ASAP1: variants seen among roughly 807,000 people sequenced by gnomAD.
ASAP1 encodes the protein ArfGAP with SH3 domain, ankyrin repeat and PH domain 1.
A neutral mutation model predicts 145.2 loss-of-function variants in ASAP1; 43 were observed. The ratio of observed to expected loss-of-function variants is 0.30; its 90% CI spans 0.23 to 0.38. ASAP1 has a LOEUF of 0.38. Among genes scored for constraint, ASAP1 ranks in the 10% least tolerant of loss-of-function variants. The pLI is 1.00. For synonymous variants in ASAP1, 546 were observed against 515.5 expected (o/e 1.06, Z -0.80); for missense variants, 1,018 against 1,355.3 (o/e 0.75, Z 3.91).
intron 5 of ASAP1, among the ~76,000 whole-genome samples, chr8:130,190,397 ATTGAAGAGGATATTC>A (rs760980164): frequency 2.8e-4 from 42 of 152,308 alleles, no homozygotes; most frequent in Non-Finnish European, 5.4e-4. Context: ...AGCACCATTT[ATTGAAGAGGATATTC>A]TTTCCCCAAT....
chr8:130,315,587 T>C lies in ASAP1; in HGVS notation c.186+42430A>G, dbSNP rs571139556. On this transcript the variant is annotated intron_variant, in intron 3 of 29. Transcript: ENST00000518721. ...GTCTGAATTAGGCTGAGCCAAGAAA[T>C]AGACCACTTGTTGCTTCCCAGCTGT... Among the ~76,000 whole-genome samples, 26 of 152,264 alleles carry C rather than the reference T, an allele frequency of 1.7e-4. 1 individual carries two copies. The highest frequency in any genetic ancestry group is 5.5e-4 in the African/African-American group (23 of 41,552).
At chr8:130,061,655 CCT>C (rs1390156806) in intron 27 of ASAP1, among the ~76,000 whole-genome samples, 6 of 152,078 alleles carry the variant, frequency 3.9e-5, no homozygotes, top group South Asian at 2.1e-4. Flanking sequence ...ACTTTGTGCC[CCT>C]GTCTCGGGTT....
chr8:130,263,644 C>T (rs1247355583), intron 3 of ASAP1, among the ~76,000 whole-genome samples: 1 of 152,054 alleles, frequency 6.6e-6, no homozygotes, highest in Non-Finnish European at 1.5e-5. Context: ...GCCTAAAAAC[C>T]CTATGAAGTG....
chr8:130,157,346 T>C (rs2097660070), intron 12 of ASAP1, among the ~76,000 whole-genome samples: 1 of 152,222 alleles, frequency 6.6e-6, no homozygotes, highest in South Asian at 2.1e-4. Flanking sequence ...ATTTTCTTTC[T>C]CTACACCCCA....
At chr8:130,101,353 T>C (rs1283191871) in intron 24 of ASAP1, among the ~76,000 whole-genome samples, 1 of 152,214 alleles carries the variant, frequency 6.6e-6, no homozygotes, top group Non-Finnish European at 1.5e-5. Flanking sequence ...TTGCATCGAA[T>C]CTGTAGATTG....
At chr8:130,110,726 C>A (rs1453976951) in intron 24 of ASAP1, among the ~76,000 whole-genome samples, 1 of 152,138 alleles carries the variant, frequency 6.6e-6, no homozygotes, top group African/African-American at 2.4e-5. Context: ...ATCTATGAGG[C>A]CATTTGGGGT....
In ASAP1 at chr8:130,371,355, ACT is replaced by A. The variant is rs564941625; in HGVS notation, c.60-13214_60-13213del. Among the ~76,000 whole-genome samples, 22 of 152,216 alleles carry A rather than the reference ACT, an allele frequency of 1.4e-4. No homozygotes were observed. In the East Asian group the frequency reaches 2.9e-3, roughly 20 times the overall value. Reference sequence around the variant, plus strand: ...GTTCAAGCCCTTTGCACTAAACCGCACTCTCTGTACAAATGGTACTCTGCTGA... The same window carrying A: ...GTTCAAGCCCTTTGCACTAAACCGCACTCTGTACAAATGGTACTCTGCTGA... On this transcript the variant is annotated intron_variant, in intron 2 of 29. Coordinates refer to ENST00000518721, the MANE Select transcript of ASAP1 (RefSeq NM_018482.4).
chr8:130,135,912 C>T (rs944372448), intron 14 of ASAP1, among the ~76,000 whole-genome samples: 13 of 152,154 alleles, frequency 8.5e-5, no homozygotes, highest in Non-Finnish European at 1.8e-4. Flanking sequence ...TTTCGACTAC[C>T]CCTAAAGAGC....
chr8:130,437,104 C>CAAA (rs56207589), intron 1 of ASAP1, among the ~76,000 whole-genome samples: 3 of 89,386 alleles, frequency 3.4e-5, no homozygotes, highest in Non-Finnish European at 5.1e-5. Flanking sequence ...GATTTCATCT[C>CAAA]AAAAAAAAAA....
chr8:130,278,218 C>A (rs1821037732), intron 3 of ASAP1, among the ~76,000 whole-genome samples: 1 of 152,152 alleles, frequency 6.6e-6, no homozygotes. Context: ...GTTACACACG[C>A]TTTTCATTGT....
intron 3 of ASAP1, among the ~76,000 whole-genome samples, chr8:130,298,587 G>A (rs1822431071): frequency 6.6e-6 from 1 of 152,180 alleles, no homozygotes; most frequent in South Asian, 2.1e-4. Context: ...CCAATCCTTT[G>A]CTTCAAACCC....
At chr8:130,197,147 G>T (rs546229777) in intron 5 of ASAP1, among the ~76,000 whole-genome samples, 3 of 152,354 alleles carry the variant, frequency 2.0e-5, no homozygotes, top group Non-Finnish European at 4.4e-5. Flanking sequence ...TGACACCAAC[G>T]GGCCAGGTGC....
chr8:130,212,966 A>C (rs1816678307), intron 5 of ASAP1, among the ~76,000 whole-genome samples: 1 of 152,212 alleles, frequency 6.6e-6, no homozygotes, highest in African/African-American at 2.4e-5. Context: ...CTTCCTGCCC[A>C]AGCAAGTCCT....
intron 24 of ASAP1, among the ~76,000 whole-genome samples, chr8:130,096,870 A>G (rs2097519017): frequency 6.6e-6 from 1 of 152,102 alleles, no homozygotes; most frequent in South Asian, 2.1e-4. Flanking sequence ...TCACATCTGT[A>G]ATCCCAGCAC....
intron 3 of ASAP1, among the ~76,000 whole-genome samples, chr8:130,252,106 C>G (rs1192261564): frequency 6.6e-6 from 1 of 152,084 alleles, no homozygotes; most frequent in Non-Finnish European, 1.5e-5. Flanking sequence ...AATCCAACAA[C>G]AGTAAAATGG....
chr8:130,371,291 T>G (rs1827201915), intron 2 of ASAP1, among the ~76,000 whole-genome samples: 1 of 152,132 alleles, frequency 6.6e-6, no homozygotes, highest in East Asian at 1.9e-4. Context: ...GAGTAAGTGG[T>G]AGAGTTAAGA....
chr8:130,248,604 G>C (rs763909462), intron 3 of ASAP1, among the ~76,000 whole-genome samples: 1 of 152,104 alleles, frequency 6.6e-6, no homozygotes, highest in Non-Finnish European at 1.5e-5. Flanking sequence ...GATTAGCTCT[G>C]ACCTTGAGAA....
chr8:130,223,335 G>A (rs1817404371), intron 4 of ASAP1, among the ~76,000 whole-genome samples: 1 of 152,086 alleles, frequency 6.6e-6, no homozygotes, highest in Non-Finnish European at 1.5e-5. Flanking sequence ...TATAACCTTG[G>A]AAATGGCACT....
Position 130,054,217 on chromosome 8 carries a change from C to T in ASAP1, c.*514G>A, listed in dbSNP as rs1372937663. ...ACTGAGCACTTTTCTGTAATAAATACCAAAGTAGGTTTTTGTAGCTGTAAA... is the reference window on the plus strand; with the variant it reads ...ACTGAGCACTTTTCTGTAATAAATATCAAAGTAGGTTTTTGTAGCTGTAAA... On this transcript the variant is annotated 3_prime_UTR_variant, in exon 30 of 30. Transcript: ENST00000518721. 1 of 153,930 alleles carries T rather than the reference C, an allele frequency of 6.5e-6. No homozygotes were observed. Among genetic ancestry groups the T allele is most frequent in the Non-Finnish European group, 1.5e-5 (1 of 68,914 alleles). 9.5% of individuals were successfully genotyped at this position (153,930 alleles called of 1,614,324 possible).
Sources: allele counts gnomAD v4.1 joint callset (sites outside exome capture counted in the v4.1 genomes callset), GRCh38; gene constraint gnomAD v4.1.1; transcripts MANE v1.5; gene names NCBI Gene and HGNC (gene_info 2026-07-23, HGNC 2026-07-21).